EIF3CL: variants seen among roughly 807,000 people sequenced by gnomAD.
The protein encoded by EIF3CL is eukaryotic translation initiation factor 3 subunit C like.
For missense variants in EIF3CL, 5 were observed against 56.1 expected (o/e 0.09, Z 2.91); for synonymous variants, 2 against 19.6 (o/e 0.10, Z 2.37).
chr16:28,418,875 C>G, the EIF3CL span, among the ~76,000 whole-genome samples: 1 of 139,838 alleles, frequency 7.2e-6, no homozygotes, highest in Non-Finnish European at 1.6e-5. Context: ...GGTGATCCAC[C>G]CGCCTCAGCC....
chr16:28,423,833 AT>A, the EIF3CL span, among the ~76,000 whole-genome samples: 3 of 102,774 alleles, frequency 2.9e-5, no homozygotes, highest in Non-Finnish European at 4.3e-5. Flanking sequence ...ATATATATAT[AT>A]TTTTTGAGAC....
intron 15 of EIF3CL, among the ~76,000 whole-genome samples, chr16:28,386,707 T>C (rs1596595394): frequency 1.7e-5 from 1 of 58,460 alleles, no homozygotes. Flanking sequence ...GAGCCAAGAT[T>C]GCACCACTGC....
the EIF3CL span, chr16:28,414,541 A>G: frequency 2.3e-5 from 4 of 173,740 alleles, 1 homozygote; most frequent in East Asian, 4.1e-4. Context: ...CCACTAGGCA[A>G]TTGTCACGCA....
At chr16:28,416,756 G>A in the EIF3CL span, among the ~76,000 whole-genome samples, 1 of 98,478 alleles carries the variant, frequency 1.0e-5, no homozygotes, top group African/African-American at 3.6e-5. Flanking sequence ...GAGGGAGGTG[G>A]GGGGGGTCAG....
At chr16:28,416,952 G>A in the EIF3CL span, among the ~76,000 whole-genome samples, 4 of 87,666 alleles carry the variant, frequency 4.6e-5, no homozygotes, top group East Asian at 1.6e-3. Context: ...CTGCCCGGCC[G>A]CCCCTACTGG....
the EIF3CL span, among the ~76,000 whole-genome samples, chr16:28,416,543 G>A: frequency 4.8e-5 from 1 of 20,698 alleles, no homozygotes; most frequent in Non-Finnish European, 9.4e-5. Context: ...CCGAGACCCC[G>A]TCTGGGAGGT....
At chr16:28,417,254 C>T in the EIF3CL span, among the ~76,000 whole-genome samples, 8 of 149,608 alleles carry the variant, frequency 5.3e-5, no homozygotes, top group South Asian at 2.1e-4. Flanking sequence ...CGCCTCTGCC[C>T]GGCCGCCCCT....
the EIF3CL span, among the ~76,000 whole-genome samples, chr16:28,417,315 G>A: frequency 1.4e-5 from 2 of 144,638 alleles, no homozygotes; most frequent in Admixed American, 1.4e-4. Flanking sequence ...TCTGGGAGGT[G>A]TGCCCAACAG....
At chr16:28,418,008 G>C in the EIF3CL span, among the ~76,000 whole-genome samples, 1 of 143,514 alleles carries the variant, frequency 7.0e-6, no homozygotes, top group African/African-American at 2.5e-5. Flanking sequence ...ACCCCATTGC[G>C]CTCTAGACTG....
At chr16:28,382,174 C>T (rs2045580130) in intron 16 of EIF3CL, among the ~76,000 whole-genome samples, 1 of 65,952 alleles carries the variant, frequency 1.5e-5, no homozygotes, top group African/African-American at 4.0e-5. Context: ...TGCGCCACTG[C>T]ACTCCAGTCT....
At chr16:28,421,688 G>T in the EIF3CL span, among the ~76,000 whole-genome samples, 1 of 29,572 alleles carries the variant, frequency 3.4e-5, no homozygotes, top group Non-Finnish European at 6.2e-5. Context: ...AGGCCTGGTG[G>T]CGTGTGCCTG....
the EIF3CL span, among the ~76,000 whole-genome samples, chr16:28,417,202 G>GCC: frequency 6.8e-6 from 1 of 146,988 alleles, no homozygotes; most frequent in Non-Finnish European, 1.5e-5. Context: ...GGGGGGGTCA[G>GCC]CCCCCCTGCC....
chr16:28,392,710 A>AC (rs1373648236), intron 8 of EIF3CL, among the ~76,000 whole-genome samples: 1 of 126,848 alleles, frequency 7.9e-6, no homozygotes, highest in Non-Finnish European at 1.7e-5. Flanking sequence ...TTTCTTTGAT[A>AC]CCAGCTGCTT....
intron 2 of EIF3CL, among the ~76,000 whole-genome samples, chr16:28,403,020 TAAAAA>T (rs34279997): frequency 8.6e-6 from 1 of 116,498 alleles, no homozygotes; most frequent in Non-Finnish European, 1.9e-5. Context: ...TTCCAAAGGG[TAAAAA>T]AAAAAAAATT....
At chr16:28,414,649 A>T in the EIF3CL span, 2 of 319,790 alleles carry the variant, frequency 6.3e-6, no homozygotes, top group Admixed American at 4.7e-5. Context: ...TAGTGCATGG[A>T]GAGCTTCAAG....
the EIF3CL span, among the ~76,000 whole-genome samples, chr16:28,417,626 G>C: frequency 4.0e-5 from 4 of 99,114 alleles, no homozygotes; most frequent in South Asian, 6.2e-4. Context: ...CAGCATGCTC[G>C]TTAAGAGTCA....
At chr16:28,405,819 G>C (rs1200881487), upstream of EIF3CL, among the ~76,000 whole-genome samples, 27 of 152,128 alleles carry the variant, frequency 1.8e-4, no homozygotes, top group Admixed American at 3.3e-4. Flanking sequence ...ACAATTGTCA[G>C]TTTATAGCGT....
At chr16:28,415,860 G>A in the EIF3CL span, among the ~76,000 whole-genome samples, 40 of 90,236 alleles carry the variant, frequency 4.4e-4, 4 homozygotes, top group Middle Eastern at 5.2e-3. Context: ...CTCCGTCTCC[G>A]TCTCCATCTC....
At chr16:28,416,764 C>T in the EIF3CL span, among the ~76,000 whole-genome samples, 1 of 104,978 alleles carries the variant, frequency 9.5e-6, no homozygotes, top group Non-Finnish European at 2.1e-5. Flanking sequence ...TGGGGGGGGT[C>T]AGCCCCCCCA....
Sources: allele counts gnomAD v4.1 joint callset (sites outside exome capture counted in the v4.1 genomes callset), GRCh38; gene constraint gnomAD v4.1.1; transcripts MANE v1.5; gene names NCBI Gene and HGNC (gene_info 2026-07-23, HGNC 2026-07-21).